SRGAP2B: variants seen among roughly 807,000 people sequenced by gnomAD.
The protein encoded by SRGAP2B is SLIT-ROBO Rho GTPase-activating protein 2B.
Under a neutral mutation model 22.2 loss-of-function variants are expected in SRGAP2B, and 9 were observed. The ratio of observed to expected loss-of-function variants is 0.41; its 90% CI spans 0.24 to 0.71. The LOEUF is 0.71. SRGAP2B is among the 30% of genes least tolerant of loss of function. The pLI, the probability that SRGAP2B is intolerant of heterozygous loss-of-function variation, is 0.35. For synonymous variants in SRGAP2B, 36 were observed against 87.4 expected (o/e 0.41, Z 3.28); for missense variants, 114 against 235.8 (o/e 0.48, Z 3.38).
At chr1:144,995,148 C>G in exon 3 of SRGAP2B, 1 of 1,077,470 alleles carries the variant, frequency 9.3e-7, no homozygotes. Context: ...GCACCCGAAG[C>G]TCACACTGCT....
At chr1:144,931,672 T>C (rs1169516777) in intron 4 of SRGAP2B, among the ~76,000 whole-genome samples, 3 of 150,474 alleles carry the variant, frequency 2.0e-5, no homozygotes, top group Non-Finnish European at 4.4e-5. Context: ...ATTGGGATTG[T>C]TGGCAGTTCA....
At chr1:145,020,688 C>A (rs1672737501) in intron 2 of SRGAP2B, among the ~76,000 whole-genome samples, 1 of 148,400 alleles carries the variant, frequency 6.7e-6, no homozygotes, top group Admixed American at 6.6e-5. Flanking sequence ...ATCAAAAATA[C>A]CTGTTGCACA....
At chr1:144,997,459 C>T (rs1479577327) in intron 2 of SRGAP2B, among the ~76,000 whole-genome samples, 1 of 149,414 alleles carries the variant, frequency 6.7e-6, no homozygotes. Flanking sequence ...AGAACCAAGG[C>T]GTTTTTAGGG....
intron 2 of SRGAP2B, among the ~76,000 whole-genome samples, chr1:145,089,231 A>C (rs1653743522): frequency 6.6e-6 from 1 of 151,004 alleles, no homozygotes; most frequent in Non-Finnish European, 1.5e-5. Flanking sequence ...GAGCTATGTA[A>C]AAAGACTAAG....
chr1:145,061,614 G>A (rs1429513009), intron 2 of SRGAP2B, among the ~76,000 whole-genome samples: 1 of 150,104 alleles, frequency 6.7e-6, no homozygotes, highest in Non-Finnish European at 1.5e-5. Context: ...CTGAGACAGG[G>A]TCTCACTCTG....
intron 3 of SRGAP2B, among the ~76,000 whole-genome samples, chr1:144,984,823 A>G (rs1570927733): frequency 6.6e-6 from 1 of 150,830 alleles, no homozygotes; most frequent in Admixed American, 6.6e-5. Context: ...TCCAGTGTCT[A>G]TTGCATAGAG....
At chr1:144,909,658 G>C (rs1231084835) in intron 5 of SRGAP2B, among the ~76,000 whole-genome samples, 1 of 150,370 alleles carries the variant, frequency 6.7e-6, no homozygotes, top group Non-Finnish European at 1.5e-5. Context: ...TGGAAGACTA[G>C]ATGAGAGGTT....
intron 5 of SRGAP2B, among the ~76,000 whole-genome samples, chr1:144,914,298 CCT>C: frequency 6.6e-6 from 1 of 150,920 alleles, no homozygotes; most frequent in South Asian, 2.1e-4. Flanking sequence ...TGATGAAAAA[CCT>C]AGAACAATAA....
chr1:145,075,793 A>G lies in SRGAP2B; in HGVS notation c.67+17042T>C, dbSNP rs587734804. Among the ~76,000 whole-genome samples the G allele has an allele frequency of 5.2e-3, 773 of 148,392 alleles. 28 individuals carry two copies. Among genetic ancestry groups the G allele is most frequent in the Admixed American group, 9.5e-3 (142 of 14,924 alleles). On this transcript the variant is annotated intron_variant, in intron 2 of 9. Transcript: ENST00000612199. Reference sequence around the variant, plus strand: ...AGAGTTGTCTCTAGATTGCAATTTAAGAACTACTCTGAGGCCGGGCACGGT... The same window carrying G: ...AGAGTTGTCTCTAGATTGCAATTTAGGAACTACTCTGAGGCCGGGCACGGT...
chr1:144,943,736 A>G (rs1666250976), intron 4 of SRGAP2B, among the ~76,000 whole-genome samples: 1 of 148,830 alleles, frequency 6.7e-6, no homozygotes, highest in African/African-American at 2.6e-5. Flanking sequence ...TACACTGGAA[A>G]GAATAACTTC....
intron 3 of SRGAP2B, among the ~76,000 whole-genome samples, chr1:144,972,852 T>C (rs1271603518): frequency 2.2e-5 from 3 of 138,258 alleles, no homozygotes; most frequent in African/African-American, 8.8e-5. Flanking sequence ...CACACCTGCA[T>C]TCCCAGCACT....
chr1:144,958,248 A>G lies in SRGAP2B; in HGVS notation c.261-2647T>C, dbSNP rs587633301. On this transcript the variant is annotated intron_variant, in intron 3 of 9. Transcript: ENST00000612199. ...CACCATGGGAAAGGATGCAGAGCACATATCCCCAAGGTGTCCTCAAAAGAA... is the reference window on the plus strand; with the variant it reads ...CACCATGGGAAAGGATGCAGAGCACGTATCCCCAAGGTGTCCTCAAAAGAA... Among the ~76,000 whole-genome samples the G allele has an allele frequency of 2.0e-5, 3 of 151,380 alleles. No homozygotes were observed. The East Asian group carries it at 5.8e-4, about 29-fold the overall frequency.
chr1:145,058,080 T>C lies in SRGAP2B; in HGVS notation c.67+34755A>G, dbSNP rs1164036001. 2.0e-5 allele frequency among the ~76,000 whole-genome samples: 3 copies of C among 149,132 alleles called. No homozygotes were observed. The South Asian group carries it at 6.4e-4, about 32-fold the overall frequency. ...GTGCAAAGGTCAGGTTCAGCAGCCC[T>C]ATGGGAAACGCATAGGCTTTAGAGG... is the stretch of plus-strand genomic sequence containing the variant. On this transcript the variant is annotated intron_variant, in intron 2 of 9. Transcript: ENST00000612199.
chr1:144,944,412 A>G (rs1666315110), intron 4 of SRGAP2B, among the ~76,000 whole-genome samples: 1 of 149,614 alleles, frequency 6.7e-6, no homozygotes, highest in Admixed American at 6.6e-5. Flanking sequence ...CCTGGGCACC[A>G]CAGCGAGACC....
At chr1:144,982,593 TA>T (rs1669388080) in intron 3 of SRGAP2B, among the ~76,000 whole-genome samples, 4 of 150,878 alleles carry the variant, frequency 2.7e-5, no homozygotes, top group Non-Finnish European at 5.9e-5. Context: ...TCAAGGTAAG[TA>T]TTACTGTCAA....
chr1:145,088,426 T>C (rs1302066475), intron 2 of SRGAP2B, among the ~76,000 whole-genome samples: 2 of 135,266 alleles, frequency 1.5e-5, no homozygotes, highest in East Asian at 2.1e-4. Context: ...AGCTCTGTGG[T>C]GCACACACAC....
At chr1:144,908,213 T>A (rs1663128499) in intron 5 of SRGAP2B, among the ~76,000 whole-genome samples, 1 of 149,906 alleles carries the variant, frequency 6.7e-6, no homozygotes, top group African/African-American at 2.5e-5. Context: ...GTGCTTTTTT[T>A]CTTTTTGAAA....
intron 2 of SRGAP2B, among the ~76,000 whole-genome samples, chr1:145,013,850 G>C (rs1337016262): frequency 6.6e-6 from 1 of 150,750 alleles, no homozygotes; most frequent in African/African-American, 2.5e-5. Flanking sequence ...TATGCACAAC[G>C]ATTAGGGGTG....
At chr1:144,931,611 G>T (rs782550034) in intron 4 of SRGAP2B, among the ~76,000 whole-genome samples, 6 of 150,880 alleles carry the variant, frequency 4.0e-5, no homozygotes, top group Non-Finnish European at 8.8e-5. Context: ...TTAAAGGAAA[G>T]AAATCTAAAA....
Sources: allele counts gnomAD v4.1 joint callset (sites outside exome capture counted in the v4.1 genomes callset), GRCh38; gene constraint gnomAD v4.1.1; transcripts MANE v1.5; gene names NCBI Gene and HGNC (gene_info 2026-07-23, HGNC 2026-07-21).